The following ANK2 variants were observed in gnomAD, a reference collection of about 807,000 sequenced individuals.
ANK2 encodes the protein ankyrin 2.
Under a neutral mutation model 360.5 loss-of-function variants are expected in ANK2, and 83 were observed. The ratio of observed to expected loss-of-function variants is 0.23; its 90% CI spans 0.19 to 0.28. The LOEUF (loss-of-function observed/expected upper bound fraction) is 0.28. Among genes scored for constraint, ANK2 ranks in the 10% least tolerant of loss-of-function variants. ANK2 has a pLI of 1.00. For synonymous variants in ANK2, 1,740 were observed against 1,759.5 expected (o/e 0.99, Z 0.28); for missense variants, 4,201 against 4,795.7 (o/e 0.88, Z 3.66).
the ANK2 span, chr4:112,788,566 C>G: frequency 2.5e-6 from 4 of 1,587,906 alleles, no homozygotes; most frequent in Non-Finnish European, 3.4e-6. Context: ...TGCTTTGTCT[C>G]TGGTCTGTAC....
intron 2 of ANK2, among the ~76,000 whole-genome samples, chr4:113,017,490 C>G (rs530538687): frequency 1.3e-5 from 2 of 152,252 alleles, no homozygotes; most frequent in East Asian, 3.9e-4. Context: ...AAAAGCTAAA[C>G]CAACATTGCA....
the ANK2 span, chr4:112,797,579 CCACCTTTAATA>C: frequency 2.3e-4 from 38 of 166,690 alleles, 1 homozygote; most frequent in Middle Eastern, 4.1e-3. Context: ...GTCTCCTGGA[CCACCTTTAATA>C]CACCTTTTTA....
At chr4:112,998,375 G>A (rs1014436322) in intron 2 of ANK2, among the ~76,000 whole-genome samples, 3 of 152,188 alleles carry the variant, frequency 2.0e-5, no homozygotes, top group African/African-American at 7.2e-5. Context: ...AGTACCATTT[G>A]CCAGAAGTGT....
At chr4:112,938,936 C>T (rs1009386328) in intron 2 of ANK2, among the ~76,000 whole-genome samples, 2 of 152,088 alleles carry the variant, frequency 1.3e-5, no homozygotes, top group African/African-American at 4.8e-5. Flanking sequence ...AGCAGGAACT[C>T]AGTGAATTAA....
At chr4:112,780,924 T>C in the ANK2 span, among the ~76,000 whole-genome samples, 358 of 152,348 alleles carry the variant, frequency 2.3e-3, no homozygotes, top group African/African-American at 5.9e-3. Flanking sequence ...ATATAAATTA[T>C]ATAACTATTT....
intron 14 of ANK2, 65 bp downstream of exon 14, chr4:113,265,060 T>G: frequency 6.9e-7 from 1 of 1,451,474 alleles, no homozygotes. Context: ...TAAGAGAGGG[T>G]GTTGCCCTTC....
chr4:113,233,119 T>G (rs1448970622), intron 5 of ANK2, among the ~76,000 whole-genome samples: 2 of 14,502 alleles, frequency 1.4e-4, no homozygotes, highest in African/African-American at 2.4e-4. Context: ...TTTTTTTTTT[T>G]TTTTTTTTTT....
Position 113,333,164 on chromosome 4 carries a change from A to G in ANK2, c.3335A>G (p.Tyr1112Cys). Residue 1112 changes from tyrosine to cysteine, a missense_variant, in exon 29 of 46, where the codon TAC becomes TGC. Physicochemically the swap from Tyr to Cys is radical, Grantham distance 194 (BLOSUM62 -2). Transcript: ENST00000357077. Reference protein sequence around the residue: ...GDSWKEHFCDYTEDELNEILN... With the variant: ...GDSWKEHFCDCTEDELNEILN... ...AGCTGGAAAGAGCATTTCTGTGACT[A>G]CACTGAAGATGAATTGAATGAAATT... 6.2e-7 allele frequency: 1 copy of G among 1,614,224 alleles called. No homozygotes were observed. Among genetic ancestry groups the G allele is most frequent in the Non-Finnish European group, 8.5e-7 (1 of 1,180,030 alleles).
At chr4:113,123,006 A>G (rs1012196373) in intron 1 of ANK2, among the ~76,000 whole-genome samples, 2 of 151,646 alleles carry the variant, frequency 1.3e-5, no homozygotes, top group East Asian at 1.9e-4. Flanking sequence ...AATTTGTGCA[A>G]TTGTGGCAAA....
At chr4:113,331,297 G>C (rs1157980479) in intron 27 of ANK2, among the ~76,000 whole-genome samples, 2 of 152,112 alleles carry the variant, frequency 1.3e-5, no homozygotes, top group Non-Finnish European at 2.9e-5. Flanking sequence ...ATGTCATATT[G>C]GGAAGAGGAT....
intron 31 of ANK2, among the ~76,000 whole-genome samples, chr4:113,338,543 CTTTTTT>C (rs71582166): frequency 1.0e-5 from 1 of 96,108 alleles, no homozygotes; most frequent in Non-Finnish European, 1.9e-5. Flanking sequence ...AGATTGTTCA[CTTTTTT>C]TTTTTTTTTT....
rs1451035934 is a variant in ANK2, at chr4:113,355,616, T to G, written c.6998T>G (p.Val2333Gly). The change falls in exon 38 of 46, where the codon GTA becomes GGA. Residue 2333 changes from valine to glycine, a missense_variant. Coordinates refer to ENST00000357077, the MANE Select transcript of ANK2 (RefSeq NM_001148.6). ...GATGATTGCACAGGCAGCTGTAGTG[T>G]AGCATTAGCTAAAGAGACACCTACA... ...RQDDCTGSCS[V>G]ALAKETPTGL... 1 of 1,614,056 alleles carries G rather than the reference T, an allele frequency of 6.2e-7. No homozygotes were observed. The highest frequency in any genetic ancestry group is 2.2e-5 in the East Asian group (1 of 44,848).
intron 4 of ANK2, among the ~76,000 whole-genome samples, chr4:113,205,235 CAAAAAAAAA>C (rs369993364): frequency 3.1e-5 from 2 of 64,026 alleles, no homozygotes; most frequent in African/African-American, 6.7e-5. Flanking sequence ...GACTCCGTCT[CAAAAAAAAA>C]AAAAAAAAAA....
At chr4:113,099,640 T>G (rs180749782) in intron 1 of ANK2, among the ~76,000 whole-genome samples, 6 of 151,992 alleles carry the variant, frequency 3.9e-5, no homozygotes, top group Non-Finnish European at 7.4e-5. Context: ...GATTCTAAAG[T>G]TTATATGGAA....
At chr4:113,255,091 T>G (rs2048570163) in intron 10 of ANK2, among the ~76,000 whole-genome samples, 1 of 152,228 alleles carries the variant, frequency 6.6e-6, no homozygotes, top group Non-Finnish European at 1.5e-5. Context: ...TTGGTCCATA[T>G]TAATGAAGAC....
intron 1 of ANK2, among the ~76,000 whole-genome samples, chr4:112,829,145 T>TCTGTCTCA (rs2059112337): frequency 6.6e-6 from 1 of 152,172 alleles, no homozygotes; most frequent in African/African-American, 2.4e-5. Flanking sequence ...AGAGCAGGAC[T>TCTGTCTCA]CTGTCTCAAA....
chr4:112,770,331 G>A, the ANK2 span, among the ~76,000 whole-genome samples: 5 of 152,306 alleles, frequency 3.3e-5, no homozygotes, highest in South Asian at 2.1e-4. Flanking sequence ...GTGGACAGGC[G>A]TGAGCCACTG....
intron 1 of ANK2, among the ~76,000 whole-genome samples, chr4:113,088,186 T>C (rs1429075892): frequency 1.3e-5 from 2 of 152,138 alleles, no homozygotes; most frequent in Non-Finnish European, 2.9e-5. Flanking sequence ...GGTGAAATAA[T>C]GTTATGGGAA....
chr4:112,731,001 G>A, the ANK2 span, among the ~76,000 whole-genome samples: 15 of 152,134 alleles, frequency 9.9e-5, no homozygotes, highest in African/African-American at 3.1e-4. Context: ...AATTAGCTGG[G>A]CATGGTGGCC....
Sources: allele counts gnomAD v4.1 joint callset (sites outside exome capture counted in the v4.1 genomes callset), GRCh38; gene constraint gnomAD v4.1.1; transcripts MANE v1.5; gene names NCBI Gene and HGNC (gene_info 2026-07-23, HGNC 2026-07-21).